The following GRIK2 variants were observed in gnomAD, a reference collection of about 807,000 sequenced individuals.
The protein encoded by GRIK2 is glutamate receptor ionotropic, kainate 2.
GRIK2 carries 32 observed loss-of-function variants against 100.3 expected under a neutral mutation model. The observed-to-expected ratio is 0.32, with a 90% CI of 0.24 to 0.43. The LOEUF is 0.43. Ranked by LOEUF, GRIK2 falls within the 20% of genes least tolerant of loss-of-function variation. The probability of loss-of-function intolerance (pLI) is 1.00; values close to 1 mark genes in which losing one functional copy is unlikely to be tolerated. For missense variants in GRIK2, 843 were observed against 1,114.9 expected (o/e 0.76, Z 3.47); for synonymous variants, 417 against 389.4 (o/e 1.07, Z -0.83).
chr6:101,511,821 C>T (rs1376731595), intron 2 of GRIK2, among the ~76,000 whole-genome samples: 1 of 151,792 alleles, frequency 6.6e-6, no homozygotes, highest in Non-Finnish European at 1.5e-5. Flanking sequence ...GAAAATGGTT[C>T]AGATTAGTGT....
At chr6:101,727,289 C>CA (rs1405129040) in intron 7 of GRIK2, among the ~76,000 whole-genome samples, 20 of 152,000 alleles carry the variant, frequency 1.3e-4, no homozygotes, top group Non-Finnish European at 4.4e-5. Flanking sequence ...CTTTGGAGAA[C>CA]AAAAAATTAG....
At chr6:102,026,710 A>G (rs1408210365) in intron 14 of GRIK2, among the ~76,000 whole-genome samples, 1 of 151,136 alleles carries the variant, frequency 6.6e-6, no homozygotes, top group African/African-American at 2.4e-5. Flanking sequence ...CTATTAACTC[A>G]CACTAACACT....
In GRIK2 at chr6:102,055,551, A is replaced by C. The variant is rs1265181875; in HGVS notation, c.2533A>C (p.Lys845Gln). The C allele has an allele frequency of 1.9e-6, 3 of 1,609,804 alleles. No individual in the cohort carries two copies. The change falls in exon 16 of 17, where the codon AAA becomes CAA. Residue 845 changes from lysine (K) to glutamine (Q), a missense_variant. This residue lies in a region of GRIK2 where 87 missense variants were observed against 83.2 expected (regional missense o/e 1.05). Transcript: ENST00000369134. ...TGTGGCAGTGGGAGAATTTTTATAC[A>C]AATCCAAAAAAAACGCTCAATTGGA... ...VFVAVGEFLY[K>Q]SKKNAQLEKR...
At chr6:101,861,908 A>G (rs953515948) in intron 11 of GRIK2, among the ~76,000 whole-genome samples, 2 of 152,148 alleles carry the variant, frequency 1.3e-5, no homozygotes, top group African/African-American at 4.8e-5. Flanking sequence ...CTTCCCAAAG[A>G]AGTACAGAAG....
chr6:101,868,832 A>T (rs1785211542), intron 11 of GRIK2, among the ~76,000 whole-genome samples: 1 of 151,890 alleles, frequency 6.6e-6, no homozygotes, highest in African/African-American at 2.4e-5. Flanking sequence ...TGATATTCCC[A>T]TGTGGAAAAA....
intron 10 of GRIK2, among the ~76,000 whole-genome samples, chr6:101,818,821 G>A (rs1583206488): frequency 6.6e-6 from 1 of 152,102 alleles, no homozygotes; most frequent in Admixed American, 6.6e-5. Flanking sequence ...GTTAAGTGAT[G>A]AGCCAAAAGT....
At chr6:101,442,616 A>G (rs980610979) in intron 2 of GRIK2, among the ~76,000 whole-genome samples, 1 of 152,210 alleles carries the variant, frequency 6.6e-6, no homozygotes, top group African/African-American at 2.4e-5. Context: ...GAGGGGACAG[A>G]ACAATGGAGA....
At chr6:101,591,897 T>G (rs1778661733) in intron 2 of GRIK2, among the ~76,000 whole-genome samples, 1 of 152,032 alleles carries the variant, frequency 6.6e-6, no homozygotes, top group Non-Finnish European at 1.5e-5. Flanking sequence ...AATCTCATGT[T>G]GAAATGTAAT....
intron 7 of GRIK2, among the ~76,000 whole-genome samples, chr6:101,697,800 T>G (rs919051839): frequency 6.6e-6 from 1 of 152,100 alleles, no homozygotes; most frequent in African/African-American, 2.4e-5. Flanking sequence ...CTCAGTTGCC[T>G]TAGCTATTCG....
Position 101,802,953 on chromosome 6 carries a change from T to G in GRIK2, c.1203+515T>G, listed in dbSNP as rs144495678. On this transcript the variant is annotated intron_variant, in intron 9 of 16. Coordinates refer to ENST00000369134, the MANE Select transcript of GRIK2 (RefSeq NM_021956.5). ...CTGGATCTATCTTACTTGATTTTAT[T>G]GCTAGGGATTGTGGTAAAACACCCA... Among the ~76,000 whole-genome samples the G allele has an allele frequency of 1.2e-3, 180 of 151,994 alleles. 1 individual carries two copies. Among genetic ancestry groups the G allele is most frequent in the African/African-American group, 4.0e-3 (168 of 41,528 alleles).
At chr6:101,396,892 TG>T (rs3841020) in intron 1 of GRIK2, among the ~76,000 whole-genome samples, 5,131 of 152,276 alleles carry the variant, frequency 0.034, 146 homozygotes, top group East Asian at 0.15. Flanking sequence ...ATTGGTTCTT[TG>T]GGGATCAATT....
At position 101,555,970 on chromosome 6, in the gene GRIK2, A is replaced by G. The variant is rs1776716036; in HGVS notation, c.116-65979A>G. Among the ~76,000 whole-genome samples the G allele has an allele frequency of 2.0e-5, 3 of 152,092 alleles. No individual in the cohort carries two copies. In the South Asian group the frequency reaches 6.2e-4, roughly 32 times the overall value. ...AAGGAGAAAGAAGACAATAAGACCA[A>G]TGTTATGAATGGAACTTAGACACTG... On this transcript the variant is annotated intron_variant, in intron 2 of 16. Transcript: ENST00000369134.
intron 14 of GRIK2, among the ~76,000 whole-genome samples, chr6:102,023,347 A>G (rs1769528916): frequency 6.6e-6 from 1 of 151,496 alleles, no homozygotes; most frequent in Non-Finnish European, 1.5e-5. Flanking sequence ...GAGGGGTAAA[A>G]AAAGAAAGAA....
At chr6:101,704,518 A>G (rs973365925) in intron 7 of GRIK2, among the ~76,000 whole-genome samples, 25 of 151,930 alleles carry the variant, frequency 1.6e-4, no homozygotes, top group African/African-American at 5.8e-4. Flanking sequence ...ACACTCTCCA[A>G]TGTGTACCAT....
At position 101,540,390 on chromosome 6, in the gene GRIK2, A is replaced by T. The variant is rs997440707; in HGVS notation, c.116-81559A>T. The stretch of plus-strand genomic sequence containing the variant: ...ATTTATACTTTTAAAAATAACTAAA[A>T]TTGTGTATTTGGACTGTTTGTAACA... On this transcript the variant is annotated intron_variant, in intron 2 of 16. Transcript: ENST00000369134. 5.3e-5 allele frequency among the ~76,000 whole-genome samples: 8 copies of T among 152,048 alleles called. 1 individual carries two copies. Among genetic ancestry groups the T allele is most frequent in the Admixed American group, 5.2e-4 (8 of 15,242 alleles).
chr6:101,725,512 C>A (rs1257788993), intron 7 of GRIK2, among the ~76,000 whole-genome samples: 1 of 151,868 alleles, frequency 6.6e-6, no homozygotes, highest in Admixed American at 6.6e-5. Flanking sequence ...ATCTGTGGGA[C>A]AATAGACACA....
In GRIK2 at chr6:101,799,780, C is replaced by T. The variant is rs1335370800; in HGVS notation, c.1084C>T (p.Leu362=). The part of the protein sequence containing the change: ...PWRFGTRFMS[L]IKEAHWEGLT... The stretch of plus-strand genomic sequence containing the variant: ...GCGCTTCGGGACCCGCTTTATGAGT[C>T]TAATTAAAGAGGTAAGTTAGGAGAA... The change falls in exon 8 of 17, where the codon CTA becomes TTA. Residue 362 remains leucine, a synonymous_variant. Transcript: ENST00000369134. 6.2e-6 allele frequency: 10 copies of T among 1,612,234 alleles called. No homozygotes were observed. The African/African-American group carries it at 1.1e-4, about 17-fold the overall frequency.
chr6:102,059,338 T>C (rs1364244499), intron 16 of GRIK2, among the ~76,000 whole-genome samples: 1 of 151,252 alleles, frequency 6.6e-6, no homozygotes, highest in Non-Finnish European at 1.5e-5. Flanking sequence ...CTCAGAACCT[T>C]TTCTCATCTG....
At chr6:101,481,952 C>A (rs575574522) in intron 2 of GRIK2, among the ~76,000 whole-genome samples, 2 of 152,268 alleles carry the variant, frequency 1.3e-5, no homozygotes, top group East Asian at 3.9e-4. Flanking sequence ...CATTCTCCTT[C>A]CTGCTGCCCT....
Sources: gnomAD v4.1 joint callset for allele counts (sites outside exome capture counted in the v4.1 genomes callset) on GRCh38, gnomAD v4.1.1 for gene constraint, gnomAD v4.1.1 regional missense constraint, MANE v1.5 for transcripts, NCBI Gene and HGNC (gene_info 2026-07-23, HGNC 2026-07-21) for gene names.